The following LMLN variants were observed in gnomAD, a reference collection of about 807,000 sequenced individuals.
The protein encoded by LMLN is leishmanolysin-like peptidase.
In LMLN, 70 loss-of-function variants were observed where a neutral mutation model predicts 92.3. The ratio of observed to expected loss-of-function variants is 0.76; its 90% CI spans 0.63 to 0.92. The LOEUF (loss-of-function observed/expected upper bound fraction) is 0.92, where lower values mean the gene tolerates loss of function less well. LMLN is among the 40% of genes least tolerant of loss of function. The pLI is 0.00. For missense variants in LMLN, 691 were observed against 814.6 expected, an observed-to-expected ratio of 0.85 and a Z score of 1.85; for synonymous variants, 308 against 296.2, an observed-to-expected ratio of 1.04 and a Z score of -0.41.
At chr3:197,960,362 C>G (rs372892976) in exon 1 of LMLN, 4 of 1,613,946 alleles carry the variant, frequency 2.5e-6, no homozygotes, top group Non-Finnish European at 3.4e-6. Flanking sequence ...TGGGCGGGCT[C>G]CGGGCCAGCG....
At chr3:198,028,922 G>A (rs1723005024) in intron 14 of LMLN, among the ~76,000 whole-genome samples, 1 of 152,206 alleles carries the variant, frequency 6.6e-6, no homozygotes. Context: ...GTATTAAAGA[G>A]TCGTTCTTAG....
At position 197,995,818 on chromosome 3, in the gene LMLN, ACT is replaced by A. The variant is rs138589080; in HGVS notation, c.1048-354_1048-353del. 3.1e-3 allele frequency among the ~76,000 whole-genome samples: 474 copies of A among 152,198 alleles called. 3 individuals carry two copies. The highest frequency in any genetic ancestry group is 0.011 in the African/African-American group (450 of 41,528). Reference sequence around the variant, plus strand: ...CATTGTATTCATAAATCATAACATCACTCTGTACTCCATAAATATATATGGTT... The same window carrying A: ...CATTGTATTCATAAATCATAACATCACTGTACTCCATAAATATATATGGTT... On this transcript the variant is annotated intron_variant, in intron 9 of 15. Transcript: ENST00000330198.
intron 6 of LMLN, chr3:197,980,812 T>C (rs1721535524): frequency 4.1e-6 from 1 of 243,238 alleles, no homozygotes; most frequent in South Asian, 6.2e-5. Context: ...AGAAAAAGTC[T>C]GCTGTCAAGT....
At chr3:197,989,032 T>C (rs1349981171) in intron 8 of LMLN, among the ~76,000 whole-genome samples, 1 of 152,214 alleles carries the variant, frequency 6.6e-6, no homozygotes, top group Non-Finnish European at 1.5e-5. Flanking sequence ...TTGTGTTATT[T>C]AGTCTAAACT....
chr3:197,968,158 A>T lies in LMLN; in HGVS notation c.220-6219A>T, dbSNP rs1721112516. On this transcript the variant is annotated intron_variant, in intron 1 of 15. Transcript: ENST00000330198. ...ATAACAAGATTAAGAGATTAAAGTA[A>T]GACAGGCGTAAGAAGTTATAAGAGT... Among the ~76,000 whole-genome samples, 3 of 152,238 alleles carry T rather than the reference A, an allele frequency of 2.0e-5. No homozygotes were observed. The South Asian group carries it at 6.2e-4, about 32-fold the overall frequency.
At chr3:197,983,978 T>C (rs1246465411) in exon 7 of LMLN, 1 of 1,613,758 alleles carries the variant, frequency 6.2e-7, no homozygotes, top group African/African-American at 1.3e-5. Flanking sequence ...TGTCCAAATA[T>C]GATCTCTACC....
chr3:198,003,022 A>T, intron 11 of LMLN: 1 of 1,547,220 alleles, frequency 6.5e-7, no homozygotes, highest in Non-Finnish European at 8.7e-7. Context: ...CAGCTGGTAT[A>T]AAGCAAATTA....
rs1012228884 is a variant in LMLN at position 198,031,079 on chromosome 3, C to T, written c.1657-4754C>T. 1.3e-5 allele frequency among the ~76,000 whole-genome samples: 2 copies of T among 152,166 alleles called. No homozygotes were observed. The highest frequency in any genetic ancestry group is 4.8e-5 in the African/African-American group (2 of 41,428). ...GGCCTGAGAATGAAATAGGCATAAG[C>T]CCGATGAACAGGAGGAAAACATACA... is the stretch of plus-strand genomic sequence containing the variant. On this transcript the variant is annotated intron_variant, in intron 14 of 15. Transcript: ENST00000330198. This position sits in a 1 kb window ranked among gnomAD's most constrained non-coding sequence, Gnocchi z 4.8.
intron 1 of LMLN, among the ~76,000 whole-genome samples, chr3:197,973,685 G>C (rs1038153599): frequency 7.2e-5 from 11 of 152,306 alleles, no homozygotes; most frequent in African/African-American, 2.4e-4. Flanking sequence ...ATCTGTGACT[G>C]TTACTATGTT....
chr3:198,005,997 A>G (rs1253209528), intron 11 of LMLN, among the ~76,000 whole-genome samples: 1 of 151,788 alleles, frequency 6.6e-6, no homozygotes, highest in African/African-American at 2.4e-5. Context: ...GGCGCCTGTA[A>G]CCCTAGCTAC....
chr3:198,036,000 A>G (rs779137237), exon 15 of LMLN: 1 of 1,613,998 alleles, frequency 6.2e-7, no homozygotes, highest in Middle Eastern at 1.7e-4. Flanking sequence ...GTCCTCCAGA[A>G]ACAGATCCTC....
intron 7 of LMLN, chr3:197,985,560 A>G (rs75205156): frequency 0.064 from 19,314 of 301,220 alleles, 739 homozygotes; most frequent in African/African-American, 0.1. Flanking sequence ...TTTAAAATAT[A>G]TAATACATTT....
intron 1 of LMLN, among the ~76,000 whole-genome samples, chr3:197,965,750 CA>C (rs1721040588): frequency 6.6e-6 from 1 of 152,064 alleles, no homozygotes; most frequent in African/African-American, 2.4e-5. Flanking sequence ...CCCGTGTCTA[CA>C]AAAAATACAA....
In LMLN at chr3:197,999,611, T is replaced by C. The variant is rs1439325910; in HGVS notation, c.1232+269T>C. 5 of 362,930 alleles carry C rather than the reference T, an allele frequency of 1.4e-5. No individual in the cohort carries two copies. The East Asian group carries it at 2.2e-4, about 16-fold the overall frequency. The allele number at this position is 362,930 out of a possible 1,614,324, so 22.5% of individuals were successfully genotyped here. ...AGTGGCAATCTGGACTCACTAATCC[T>C]GGACTTCCCGGGCTCAAGCAGTCCT... On this transcript the variant is annotated intron_variant, in intron 11 of 15. Transcript: ENST00000330198.
exon 2 of LMLN, chr3:197,974,456 A>G (rs1376464360): frequency 3.9e-6 from 6 of 1,555,946 alleles, no homozygotes; most frequent in East Asian, 2.3e-5. Flanking sequence ...AAGACTGTCT[A>G]TGATAAAAGT....
At chr3:197,998,569 T>G (rs1437904994) in intron 10 of LMLN, among the ~76,000 whole-genome samples, 4 of 151,300 alleles carry the variant, frequency 2.6e-5, no homozygotes, top group Non-Finnish European at 4.4e-5. Context: ...CTTGAACTAT[T>G]TTTTTTTTAA....
At chr3:197,966,874 G>A (rs1459499961) in intron 1 of LMLN, among the ~76,000 whole-genome samples, 1 of 152,170 alleles carries the variant, frequency 6.6e-6, no homozygotes, top group East Asian at 1.9e-4. Context: ...TCACTATACA[G>A]CCTTAAATGA....
chr3:198,012,334 G>A (rs1722469258), intron 11 of LMLN, among the ~76,000 whole-genome samples: 1 of 152,208 alleles, frequency 6.6e-6, no homozygotes, highest in Non-Finnish European at 1.5e-5. Context: ...CAATGTGTTG[G>A]GATTACAGGC....
intron 1 of LMLN, among the ~76,000 whole-genome samples, chr3:197,968,289 AC>A (rs1348151170): frequency 1.3e-5 from 2 of 151,656 alleles, no homozygotes; most frequent in Non-Finnish European, 2.9e-5. Context: ...ACACGGTGAA[AC>A]CCCGTCTGTA....
Sources: allele counts gnomAD v4.1 joint callset (sites outside exome capture counted in the v4.1 genomes callset), GRCh38; gene constraint gnomAD v4.1.1; non-coding constraint Gnocchi (gnomAD v3.1); transcripts MANE v1.5; gene names NCBI Gene and HGNC (gene_info 2026-07-23, HGNC 2026-07-21).